IQGAP2: variants seen among roughly 807,000 people sequenced by gnomAD.
The protein encoded by IQGAP2 is ras GTPase-activating-like protein IQGAP2.
IQGAP2 carries 173 observed loss-of-function variants against 201.3 expected under a neutral mutation model. The ratio of observed to expected loss-of-function variants is 0.86; its 90% CI spans 0.76 to 0.98. The LOEUF (loss-of-function observed/expected upper bound fraction) is 0.98, where lower values mean the gene tolerates loss of function less well. Ranked by LOEUF, IQGAP2 falls within the 50% of genes least tolerant of loss-of-function variation. IQGAP2 has a pLI of 0.00. For missense variants in IQGAP2, 1,687 were observed against 1,864.8 expected (o/e 0.90, Z 1.76); for synonymous variants, 675 against 673.9 (o/e 1.00, Z -0.03).
intron 8 of IQGAP2, among the ~76,000 whole-genome samples, chr5:76,591,678 T>A (rs928570363): frequency 1.3e-5 from 2 of 152,180 alleles, no homozygotes; most frequent in African/African-American, 4.8e-5. Context: ...CTCCTCTTCC[T>A]TCTCCCTCTC....
At chr5:76,700,575 T>C (rs570319785) in intron 33 of IQGAP2, among the ~76,000 whole-genome samples, 2 of 152,298 alleles carry the variant, frequency 1.3e-5, no homozygotes, top group African/African-American at 4.8e-5. Context: ...GAGAGCTACA[T>C]GATATAGTAT....
At chr5:76,495,291 G>A (rs374482523) in intron 2 of IQGAP2, among the ~76,000 whole-genome samples, 154 of 152,328 alleles carry the variant, frequency 1.0e-3, no homozygotes, top group African/African-American at 3.4e-3. Flanking sequence ...ATGCTTTTAC[G>A]TGGTGTTTGA....
At chr5:76,569,495 A>G (rs1482877623) in intron 3 of IQGAP2, among the ~76,000 whole-genome samples, 1 of 152,224 alleles carries the variant, frequency 6.6e-6, no homozygotes, top group Non-Finnish European at 1.5e-5. Context: ...GTTAATTTAC[A>G]TGAAGTGATT....
chr5:76,612,763 C>T (rs1199985067), intron 13 of IQGAP2, among the ~76,000 whole-genome samples: 2 of 151,840 alleles, frequency 1.3e-5, no homozygotes, highest in African/African-American at 4.8e-5. Flanking sequence ...GGGAGGGGCG[C>T]ACACACTCTT....
At chr5:76,665,458 C>T (rs775470095) in intron 22 of IQGAP2, among the ~76,000 whole-genome samples, 46 of 152,156 alleles carry the variant, frequency 3.0e-4, no homozygotes, top group Non-Finnish European at 5.7e-4. Flanking sequence ...TTTTGAAACG[C>T]AGGCAGTTTG....
At chr5:76,655,133 T>A in intron 20 of IQGAP2, 130 bp downstream of exon 20, 1 of 635,438 alleles carries the variant, frequency 1.6e-6, no homozygotes, top group South Asian at 2.1e-5. Flanking sequence ...TAGATTTTGA[T>A]CATCTCAGGC....
In IQGAP2 at chr5:76,697,845, G is replaced by T. The variant is rs144169759; in HGVS notation, c.4207-142G>T. 484 of 585,898 alleles carry T rather than the reference G, an allele frequency of 8.3e-4. 1 individual carries two copies. Among genetic ancestry groups the T allele is most frequent in the Non-Finnish European group, 1.3e-3 (436 of 332,558 alleles). 36.3% of individuals were successfully genotyped at this position (585,898 alleles called of 1,614,324 possible). A position where few individuals can be genotyped will look rare whatever the true frequency, so the allele number is the denominator to read the frequency against. On this transcript the variant is annotated intron_variant, in intron 32 of 35. Coordinates refer to ENST00000274364, the MANE Select transcript of IQGAP2 (RefSeq NM_006633.5). ...GGATGGGAACCCTGTGGTGTTGAGA[G>T]TAAAATAAGGTGCCTGAGATAAGCT... is the stretch of plus-strand genomic sequence containing the variant.
Position 76,403,644 on chromosome 5 carries a change from C to T in IQGAP2, c.46+53C>T. Reference sequence around the variant, plus strand: ...TGCTGGCCTTGGGGAGCTCCCTCCCCGAGGACGGCGTTGGAGAAGCCGAGG... The same window carrying T: ...TGCTGGCCTTGGGGAGCTCCCTCCCTGAGGACGGCGTTGGAGAAGCCGAGG... On this transcript the variant is annotated intron_variant, in intron 1 of 35. Transcript: ENST00000274364. This position sits in a 1 kb window ranked among gnomAD's most constrained non-coding sequence, Gnocchi z 4.8. The T allele has an allele frequency of 7.1e-7, 1 of 1,407,134 alleles. No individual in the cohort carries two copies. The highest frequency in any genetic ancestry group is 9.4e-7 in the Non-Finnish European group (1 of 1,068,104). The allele number at this position is 1,407,134 out of a possible 1,614,324, so 87.2% of individuals were successfully genotyped here.
intron 2 of IQGAP2, among the ~76,000 whole-genome samples, chr5:76,555,659 A>T (rs62361994): frequency 0.17 from 25,946 of 152,242 alleles, 2,441 homozygotes; most frequent in Admixed American, 0.29. Context: ...TCAGTAGTGT[A>T]GGCTGGGGGT....
At chr5:76,693,291 G>A in intron 30 of IQGAP2, 64 bp from the exon 31 acceptor site, 1 of 1,082,746 alleles carries the variant, frequency 9.2e-7, no homozygotes, top group Non-Finnish European at 1.4e-6. Flanking sequence ...TCTCTTAGGA[G>A]AAACAGATTT....
At chr5:76,510,858 G>A (rs1319716990) in intron 2 of IQGAP2, 2 of 395,648 alleles carry the variant, frequency 5.1e-6, no homozygotes, top group African/African-American at 2.1e-5. Flanking sequence ...GGGATAGCAG[G>A]GATGCATTCT....
chr5:76,553,068 G>A (rs892959723), intron 2 of IQGAP2, among the ~76,000 whole-genome samples: 2 of 152,140 alleles, frequency 1.3e-5, no homozygotes, highest in Non-Finnish European at 2.9e-5. Flanking sequence ...CTTTAGTTTT[G>A]CAGGGTGGGT....
intron 2 of IQGAP2, among the ~76,000 whole-genome samples, chr5:76,522,539 G>A (rs79207571): frequency 0.014 from 2,084 of 152,194 alleles, 39 homozygotes; most frequent in African/African-American, 0.047. Context: ...GGAAATGTAC[G>A]ATGTTTATAT....
At chr5:76,417,638 TG>T (rs963810097) in intron 1 of IQGAP2, among the ~76,000 whole-genome samples, 1 of 152,076 alleles carries the variant, frequency 6.6e-6, no homozygotes, top group Admixed American at 6.5e-5. Flanking sequence ...TGGAGTTCAG[TG>T]GTGCGATCTT....
chr5:76,685,440 C>T (rs1405393968), intron 30 of IQGAP2, among the ~76,000 whole-genome samples: 1 of 152,124 alleles, frequency 6.6e-6, no homozygotes, highest in African/African-American at 2.4e-5. Flanking sequence ...CAGTCAACTC[C>T]AATGTCTGCA....
intron 1 of IQGAP2, among the ~76,000 whole-genome samples, chr5:76,451,049 A>G (rs1274216844): frequency 1.3e-5 from 2 of 152,168 alleles, no homozygotes; most frequent in Non-Finnish European, 2.9e-5. Context: ...TTCCAAATAT[A>G]AGTTTTGACT....
chr5:76,404,902 T>C (rs1750714347), intron 1 of IQGAP2, among the ~76,000 whole-genome samples: 1 of 149,826 alleles, frequency 6.7e-6, no homozygotes, highest in East Asian at 1.9e-4. Flanking sequence ...ACCCAGCTTT[T>C]TGCCTTTTGG....
intron 2 of IQGAP2, among the ~76,000 whole-genome samples, chr5:76,518,511 G>T (rs1266508610): frequency 6.6e-6 from 1 of 152,116 alleles, no homozygotes; most frequent in South Asian, 2.1e-4. Flanking sequence ...CCCACAACAC[G>T]TGGGAATTCA....
chr5:76,641,776 G>T (rs1751608095), intron 17 of IQGAP2, among the ~76,000 whole-genome samples: 1 of 152,114 alleles, frequency 6.6e-6, no homozygotes, highest in Non-Finnish European at 1.5e-5. Context: ...TGAGTTCAAA[G>T]GGGTATTATT....
Sources: allele counts gnomAD v4.1 joint callset (sites outside exome capture counted in the v4.1 genomes callset), GRCh38; gene constraint gnomAD v4.1.1; non-coding constraint Gnocchi (gnomAD v3.1); transcripts MANE v1.5; gene names NCBI Gene and HGNC (gene_info 2026-07-23, HGNC 2026-07-21).